The following TAFA5 variants were observed in gnomAD, a reference collection of about 807,000 sequenced individuals.
TAFA5 encodes the protein chemokine-like protein TAFA-5.
Under a neutral mutation model 15.3 loss-of-function variants are expected in TAFA5, and 6 were observed. That is an observed-to-expected ratio of 0.39 (90% confidence interval 0.21 to 0.77). The LOEUF (loss-of-function observed/expected upper bound fraction) is 0.77, where lower values mean the gene tolerates loss of function less well. Among genes scored for constraint, TAFA5 ranks in the 30% least tolerant of loss-of-function variants. TAFA5 has a pLI of 0.41. For missense variants in TAFA5, 161 were observed against 193.1 expected (o/e 0.83, Z 0.98); for synonymous variants, 103 against 80.7 (o/e 1.28, Z -1.48).
intron 1 of TAFA5, among the ~76,000 whole-genome samples, chr22:48,529,737 A>G (rs1921910541): frequency 6.6e-6 from 1 of 151,988 alleles, no homozygotes; most frequent in South Asian, 2.1e-4. Flanking sequence ...TGGAAGAATC[A>G]GGATTTTCCA....
chr22:48,556,386 T>C (rs1216727676), intron 1 of TAFA5, among the ~76,000 whole-genome samples: 1 of 152,188 alleles, frequency 6.6e-6, no homozygotes, highest in Non-Finnish European at 1.5e-5. Context: ...TTAAATGTAA[T>C]AGATGCAGAG....
chr22:48,596,908 A>G (rs28534667), intron 1 of TAFA5, among the ~76,000 whole-genome samples: 27,894 of 152,150 alleles, frequency 0.18, 2,689 homozygotes, highest in East Asian at 0.4. Flanking sequence ...TCCCAGCTCC[A>G]CTGATCCTCT....
rs980505603 is a variant in TAFA5, at chr22:48,742,991, G to A, written c.391-6848G>A. Among the ~76,000 whole-genome samples, 1 of 152,126 alleles carries A rather than the reference G, an allele frequency of 6.6e-6. No homozygotes were observed. Among genetic ancestry groups the A allele is most frequent in the African/African-American group, 2.4e-5 (1 of 41,428 alleles). On this transcript the variant is annotated intron_variant, in intron 3 of 3. Transcript: ENST00000402357. This position sits in a 1 kb window ranked among gnomAD's most constrained non-coding sequence, Gnocchi z 6.2. ...CTGGGACGCAGGCTCAGCAGCCCCC[G>A]GATTCCAGTCAACATCCCCAGGACT...
chr22:48,528,378 C>G (rs192747205), intron 1 of TAFA5, among the ~76,000 whole-genome samples: 11 of 152,188 alleles, frequency 7.2e-5, no homozygotes, highest in Admixed American at 5.2e-4. Context: ...TTCCCCGATG[C>G]CTGTGTATAG....
chr22:48,651,515 G>T (rs1317739119), intron 2 of TAFA5, among the ~76,000 whole-genome samples: 1 of 152,182 alleles, frequency 6.6e-6, no homozygotes. Flanking sequence ...AAAACAGGCA[G>T]GTGGGCACTG....
At chr22:48,606,290 G>A (rs902601174) in intron 1 of TAFA5, among the ~76,000 whole-genome samples, 5 of 152,166 alleles carry the variant, frequency 3.3e-5, no homozygotes, top group Non-Finnish European at 7.3e-5. Flanking sequence ...TCGCAGTGGC[G>A]AACCGTCGGA....
chr22:48,536,923 G>A (rs1922187082), intron 1 of TAFA5, among the ~76,000 whole-genome samples: 1 of 152,216 alleles, frequency 6.6e-6, no homozygotes, highest in African/African-American at 2.4e-5. Flanking sequence ...AGCGGGGCCT[G>A]GCTGGGCTGC....
chr22:48,659,202 G>C (rs12161073), intron 2 of TAFA5, among the ~76,000 whole-genome samples: 10,534 of 152,314 alleles, frequency 0.069, 1,216 homozygotes, highest in African/African-American at 0.24. Flanking sequence ...CACCCACAAA[G>C]GGACCCAGAA....
intron 3 of TAFA5, among the ~76,000 whole-genome samples, chr22:48,736,736 C>T (rs567105958): frequency 3.9e-5 from 6 of 152,312 alleles, no homozygotes; most frequent in African/African-American, 1.4e-4. Context: ...AGCCAGTCAC[C>T]GAAGTCTGCC....
At chr22:48,677,533 T>C (rs1019492767) in intron 2 of TAFA5, among the ~76,000 whole-genome samples, 27 of 152,188 alleles carry the variant, frequency 1.8e-4, no homozygotes, top group African/African-American at 6.5e-4. Flanking sequence ...TGGCCAGGAA[T>C]AGACCCAGCA....
At chr22:48,725,930 C>T (rs942667413) in intron 3 of TAFA5, among the ~76,000 whole-genome samples, 16 of 152,210 alleles carry the variant, frequency 1.1e-4, no homozygotes, top group East Asian at 5.8e-4. Flanking sequence ...AAACTGCCAA[C>T]GAAAAACCAA....
chr22:48,588,639 A>G (rs374585572), intron 1 of TAFA5, among the ~76,000 whole-genome samples: 1 of 152,196 alleles, frequency 6.6e-6, no homozygotes. Flanking sequence ...TGCTGTGACA[A>G]CGGGGACCTG....
chr22:48,654,804 C>T (rs1202282601), intron 2 of TAFA5, among the ~76,000 whole-genome samples: 1 of 152,102 alleles, frequency 6.6e-6, no homozygotes. Flanking sequence ...ACCCACTCTG[C>T]AGCCTCCCAG....
intron 2 of TAFA5, among the ~76,000 whole-genome samples, chr22:48,688,075 T>C (rs130110): frequency 0.78 from 116,802 of 148,994 alleles, 45,860 homozygotes; most frequent in Non-Finnish European, 0.84. Flanking sequence ...AGTTGGGGTT[T>C]TTTATTGTTT....
chr22:48,691,986 C>T (rs1353818897), intron 2 of TAFA5, among the ~76,000 whole-genome samples: 3 of 152,266 alleles, frequency 2.0e-5, no homozygotes, highest in African/African-American at 4.8e-5. Context: ...TCCAAAGGGG[C>T]CTGTGCCACC....
intron 1 of TAFA5, among the ~76,000 whole-genome samples, chr22:48,521,772 T>C (rs1040788915): frequency 6.6e-6 from 1 of 152,152 alleles, no homozygotes; most frequent in Non-Finnish European, 1.5e-5. Flanking sequence ...AATTTGTCAT[T>C]AAAGCATCGT....
At chr22:48,674,159 G>T (rs566198607) in intron 2 of TAFA5, among the ~76,000 whole-genome samples, 14 of 152,316 alleles carry the variant, frequency 9.2e-5, no homozygotes, top group African/African-American at 3.1e-4. Context: ...GGGCCGGGCG[G>T]TGCAGATGTA....
chr22:48,744,126 G>A (rs374143785), intron 3 of TAFA5, among the ~76,000 whole-genome samples: 18 of 152,310 alleles, frequency 1.2e-4, no homozygotes, highest in African/African-American at 3.6e-4. Context: ...GGGTGGCCTC[G>A]TTCCCAGAAT....
chr22:48,674,372 T>C (rs372004248), intron 2 of TAFA5, among the ~76,000 whole-genome samples: 3 of 152,332 alleles, frequency 2.0e-5, no homozygotes, highest in East Asian at 3.9e-4. Context: ...CGTCCATGCC[T>C]GTCCATGGTT....
Sources: allele counts gnomAD v4.1 joint callset (sites outside exome capture counted in the v4.1 genomes callset), GRCh38; gene constraint gnomAD v4.1.1; non-coding constraint Gnocchi (gnomAD v3.1); transcripts MANE v1.5; gene names NCBI Gene and HGNC (gene_info 2026-07-23, HGNC 2026-07-21).